NOS1AP: variants seen among roughly 807,000 people sequenced by gnomAD.
The protein encoded by NOS1AP is carboxyl-terminal PDZ ligand of neuronal nitric oxide synthase protein.
A neutral mutation model predicts 56.2 loss-of-function variants in NOS1AP; 21 were observed. That is an observed-to-expected ratio of 0.37 (90% CI 0.26 to 0.54). NOS1AP has a LOEUF of 0.54. Ranked by LOEUF, NOS1AP falls within the 20% of genes least tolerant of loss-of-function variation. The probability of loss-of-function intolerance (pLI) is 0.84; values close to 1 mark genes in which losing one functional copy is unlikely to be tolerated. For synonymous variants in NOS1AP, 270 were observed against 274.6 expected, an observed-to-expected ratio of 0.98 and a Z score of 0.17; for missense variants, 522 against 657.8, an observed-to-expected ratio of 0.79 and a Z score of 2.26.
At chr1:162,326,467 C>G (rs1316933094) in intron 4 of NOS1AP, among the ~76,000 whole-genome samples, 1 of 152,198 alleles carries the variant, frequency 6.6e-6, no homozygotes, top group Non-Finnish European at 1.5e-5. Context: ...TGCATGCTTA[C>G]ACATATTACA....
At chr1:162,151,439 C>A (rs1649701071) in intron 1 of NOS1AP, among the ~76,000 whole-genome samples, 1 of 152,196 alleles carries the variant, frequency 6.6e-6, no homozygotes, top group African/African-American at 2.4e-5. Context: ...AATTTGAAGT[C>A]AGGTAATGTG....
chr1:162,130,386 T>C (rs1433094444), intron 1 of NOS1AP, among the ~76,000 whole-genome samples: 4 of 152,226 alleles, frequency 2.6e-5, no homozygotes, highest in East Asian at 1.9e-4. Context: ...CAGTGGTCAA[T>C]TGTGGTGCTT....
At chr1:162,185,092 A>G (rs1185576389) in intron 2 of NOS1AP, among the ~76,000 whole-genome samples, 1 of 152,188 alleles carries the variant, frequency 6.6e-6, no homozygotes, top group African/African-American at 2.4e-5. Flanking sequence ...CCCATCCTGT[A>G]TCTTCAAAGC....
intron 1 of NOS1AP, among the ~76,000 whole-genome samples, chr1:162,075,392 T>C (rs1691745801): frequency 1.3e-5 from 2 of 152,240 alleles, no homozygotes; most frequent in African/African-American, 4.8e-5. Context: ...GCTTCATTGG[T>C]TGATGGTTTC....
intron 4 of NOS1AP, among the ~76,000 whole-genome samples, chr1:162,322,444 T>A (rs530714460): frequency 2.0e-5 from 3 of 152,156 alleles, no homozygotes; most frequent in Non-Finnish European, 4.4e-5. Context: ...TCATTTCCCG[T>A]CATGGCACAT....
chr1:162,209,468 G>A (rs1281998415), intron 2 of NOS1AP, among the ~76,000 whole-genome samples: 1 of 152,150 alleles, frequency 6.6e-6, no homozygotes, highest in Non-Finnish European at 1.5e-5. Flanking sequence ...TGGATGTGAG[G>A]AGAGCTCAAA....
intron 2 of NOS1AP, among the ~76,000 whole-genome samples, chr1:162,213,752 C>A (rs1652450712): frequency 6.6e-6 from 1 of 152,192 alleles, no homozygotes; most frequent in African/African-American, 2.4e-5. Context: ...CTAGCTCTCC[C>A]TTGGAAATAC....
intron 1 of NOS1AP, among the ~76,000 whole-genome samples, chr1:162,072,237 A>G (rs1014935751): frequency 1.3e-5 from 2 of 152,230 alleles, no homozygotes; most frequent in Non-Finnish European, 2.9e-5. Context: ...GCCACACCCC[A>G]ATTTTAATTT....
intron 1 of NOS1AP, among the ~76,000 whole-genome samples, chr1:162,093,364 G>A (rs961713121): frequency 6.6e-6 from 1 of 152,212 alleles, no homozygotes; most frequent in East Asian, 1.9e-4. Context: ...ATGTGATGTA[G>A]ATATGGTGTT....
In NOS1AP at chr1:162,173,554, C is replaced by A. The variant is rs549416326; in HGVS notation, c.177+19078C>A. 1.3e-4 allele frequency among the ~76,000 whole-genome samples: 20 copies of A among 152,234 alleles called. No homozygotes were observed. The South Asian group carries it at 4.1e-3, about 32-fold the overall frequency. ...ACACCAAAAGCAATGGCAACAAAAG[C>A]CAAAATTGACAAATGGGATCCAATT... On this transcript the variant is annotated intron_variant, in intron 2 of 9. Transcript: ENST00000361897.
chr1:162,284,506 C>T (rs747428240), intron 2 of NOS1AP, among the ~76,000 whole-genome samples: 5 of 152,104 alleles, frequency 3.3e-5, no homozygotes, highest in Non-Finnish European at 7.4e-5. Context: ...CCAGAGCATT[C>T]CACCAGCTAT....
intron 2 of NOS1AP, among the ~76,000 whole-genome samples, chr1:162,277,119 T>G (rs1447607900): frequency 6.6e-6 from 1 of 152,182 alleles, no homozygotes; most frequent in Non-Finnish European, 1.5e-5. Flanking sequence ...TCCCCAGACC[T>G]GCAGAATGGC....
rs182398240 is a variant in NOS1AP at position 162,223,055 on chromosome 1, G to A, written c.178-64289G>A. ...CAGTCTTAGCTTTTTGTTCAAAGAC[G>A]TTGTAACATTTTATTCAGGATGTTG... On this transcript the variant is annotated intron_variant, in intron 2 of 9. Coordinates refer to ENST00000361897, the MANE Select transcript of NOS1AP (RefSeq NM_014697.3). 3.3e-3 allele frequency among the ~76,000 whole-genome samples: 503 copies of A among 152,274 alleles called. 2 individuals carry two copies. The highest frequency in any genetic ancestry group is 0.012 in the African/African-American group (480 of 41,556).
intron 8 of NOS1AP, chr1:162,364,417 G>C: frequency 1.0e-6 from 1 of 985,444 alleles, no homozygotes; most frequent in Non-Finnish European, 1.2e-6. Flanking sequence ...ACATATGTGT[G>C]AACACTGGTA....
intron 2 of NOS1AP, among the ~76,000 whole-genome samples, chr1:162,262,927 C>G (rs1654285974): frequency 6.6e-6 from 1 of 152,192 alleles, no homozygotes; most frequent in Admixed American, 6.5e-5. Flanking sequence ...CATTCTCTCA[C>G]CTTTCTCATC....
rs1647503145 is a variant in NOS1AP, at chr1:162,106,244, T to G, written c.105+35962T>G. Among the ~76,000 whole-genome samples the G allele has an allele frequency of 2.0e-5, 3 of 152,188 alleles. No individual in the cohort carries two copies. In the South Asian group the frequency reaches 6.2e-4, roughly 32 times the overall value. ...GGGGGTTGGGGTTCCCTTGGCTCCG[T>G]GCAGCTCCTGGATGGGCCACTGCCC... is the stretch of plus-strand genomic sequence containing the variant. On this transcript the variant is annotated intron_variant, in intron 1 of 9. Coordinates refer to ENST00000361897, the MANE Select transcript of NOS1AP (RefSeq NM_014697.3).
At chr1:162,103,178 A>G (rs1647370396) in intron 1 of NOS1AP, among the ~76,000 whole-genome samples, 1 of 151,982 alleles carries the variant, frequency 6.6e-6, no homozygotes, top group Admixed American at 6.6e-5. Flanking sequence ...TTTCTGCCTA[A>G]TTTCATTATT....
intron 5 of NOS1AP, among the ~76,000 whole-genome samples, chr1:162,338,207 C>T (rs552568794): frequency 3.7e-4 from 56 of 152,088 alleles, no homozygotes; most frequent in African/African-American, 1.1e-3. Context: ...AATTCAGAAC[C>T]ACTTGTCAGT....
At chr1:162,222,378 A>T (rs1194705371) in intron 2 of NOS1AP, among the ~76,000 whole-genome samples, 2 of 152,192 alleles carry the variant, frequency 1.3e-5, no homozygotes, top group Non-Finnish European at 2.9e-5. Context: ...GAGACCTTTT[A>T]CTTGACTGAT....
Sources: allele counts gnomAD v4.1 joint callset (sites outside exome capture counted in the v4.1 genomes callset), GRCh38; gene constraint gnomAD v4.1.1; transcripts MANE v1.5; gene names NCBI Gene and HGNC (gene_info 2026-07-23, HGNC 2026-07-21).